SLC9A3: variants seen among roughly 807,000 people sequenced by gnomAD.
SLC9A3 encodes the protein solute carrier family 9 member A3.
SLC9A3 carries 37 observed loss-of-function variants against 86.8 expected under a neutral mutation model. The observed-to-expected ratio is 0.43, with a 90% CI of 0.33 to 0.56. The LOEUF is 0.56. Ranked by LOEUF, SLC9A3 falls within the 20% of genes least tolerant of loss-of-function variation. The pLI, the probability that SLC9A3 is intolerant of heterozygous loss-of-function variation, is 0.06. For missense variants in SLC9A3, 1,011 were observed against 1,171.9 expected, an observed-to-expected ratio of 0.86 and a Z score of 2.00; for synonymous variants, 581 against 528.3, an observed-to-expected ratio of 1.10 and a Z score of -1.37.
chr5:480,448 G>A (rs1739093574), intron 9 of SLC9A3: 1 of 157,798 alleles, frequency 6.3e-6, no homozygotes, highest in Non-Finnish European at 1.4e-5. Context: ...GGGGCACAAG[G>A]AGGTGATGCC....
In SLC9A3 at chr5:515,203, C is replaced by G. The variant is rs143319566; in HGVS notation, c.211+8909G>C. ...TGCCATCAGCCTGGAGTCTCTGTCACAGCCCTAACCACCCCCAGCACAGCA... is the reference window on the plus strand; with the variant it reads ...TGCCATCAGCCTGGAGTCTCTGTCAGAGCCCTAACCACCCCCAGCACAGCA... On this transcript the variant is annotated intron_variant, in intron 1 of 16. Coordinates refer to ENST00000264938, the MANE Select transcript of SLC9A3 (RefSeq NM_004174.4). Among the ~76,000 whole-genome samples, 595 of 152,222 alleles carry G rather than the reference C, an allele frequency of 3.9e-3. 4 individuals carry two copies. The highest frequency in any genetic ancestry group is 0.012 in the East Asian group (61 of 5,172).
intron 1 of SLC9A3, among the ~76,000 whole-genome samples, chr5:498,826 G>A (rs1740142694): frequency 6.6e-6 from 1 of 152,230 alleles, no homozygotes. Flanking sequence ...GTGTCTCCCT[G>A]CTGAGCTGGC....
intron 11 of SLC9A3, 38 bp from the exon 12 acceptor site, chr5:476,710 C>T: frequency 1.3e-6 from 2 of 1,595,418 alleles, no homozygotes; most frequent in South Asian, 1.1e-5. Context: ...CAGGCTCCCT[C>T]AGGGTGGGGT....
chr5:480,086 T>A, intron 9 of SLC9A3, 121 bp from the exon 10 acceptor site: 1 of 1,122,038 alleles, frequency 8.9e-7, no homozygotes, highest in Non-Finnish European at 1.3e-6. Context: ...TAGGCGCGTT[T>A]AAAATGAGGG....
intron 2 of SLC9A3, among the ~76,000 whole-genome samples, chr5:490,310 G>A (rs761567101): frequency 2.4e-5 from 2 of 84,100 alleles, no homozygotes; most frequent in Non-Finnish European, 5.2e-5. Flanking sequence ...GTCCAGCGTG[G>A]CGAGGGGCAG....
intron 1 of SLC9A3, among the ~76,000 whole-genome samples, chr5:518,689 C>T (rs913480203): frequency 2.6e-5 from 4 of 152,190 alleles, no homozygotes; most frequent in African/African-American, 4.8e-5. Flanking sequence ...GGGGTGGCCA[C>T]GCTGGGAGAG....
Position 524,092 on chromosome 5 carries a change from G to C in SLC9A3, c.211+20C>G. 6.8e-7 allele frequency: 1 copy of C among 1,463,014 alleles called. No individual in the cohort carries two copies. The allele number at this position is 1,463,014 out of a possible 1,614,324, so 90.6% of individuals were successfully genotyped here. A position where few individuals can be genotyped will look rare whatever the true frequency, so the allele number is the denominator to read the frequency against. On this transcript the variant is annotated intron_variant, in intron 1 of 16. Coordinates refer to ENST00000264938, the MANE Select transcript of SLC9A3 (RefSeq NM_004174.4). ...GCCGCACACCCCGCGGGCAGATCCG[G>C]AGACCCCGGGGCCACTTACCGATCT...
chr5:492,673 T>C (rs947009390), intron 1 of SLC9A3, among the ~76,000 whole-genome samples: 5 of 151,868 alleles, frequency 3.3e-5, no homozygotes, highest in African/African-American at 1.2e-4. Context: ...GGGGGGCCTC[T>C]GACCTGCCGC....
chr5:504,220 G>C (rs1740438197), intron 1 of SLC9A3, among the ~76,000 whole-genome samples: 1 of 126,404 alleles, frequency 7.9e-6, no homozygotes, highest in African/African-American at 3.1e-5. Flanking sequence ...CATCGCTGTG[G>C]GGCTGCCGCC....
intron 1 of SLC9A3, among the ~76,000 whole-genome samples, chr5:513,556 C>T (rs544629597): frequency 2.0e-5 from 3 of 152,168 alleles, no homozygotes; most frequent in African/African-American, 4.8e-5. Flanking sequence ...GGGCAGAGAA[C>T]GCGTCAGCCC....
chr5:491,814 T>C lies in SLC9A3; in HGVS notation c.469A>G (p.Thr157Ala). ...AVVGTVWNAA[T>A]TGLSLYGVFL... ...ACGCCGTAGAGGGACAGCCCGGTGG[T>C]GGCCGCGTTCCACACGGTACCCACG... Residue 157 changes from threonine (T) to alanine (A), a missense_variant, in exon 2 of 17, where the codon ACC becomes GCC. This residue lies in a region of SLC9A3 where 565 missense variants were observed against 790.0 expected (regional missense o/e 0.72). Coordinates refer to ENST00000264938, the MANE Select transcript of SLC9A3 (RefSeq NM_004174.4). The surrounding 1 kb of genome is among the most constrained non-coding windows in gnomAD (Gnocchi z 9.2). 1 of 1,587,852 alleles carries C rather than the reference T, an allele frequency of 6.3e-7. No individual in the cohort carries two copies.
rs763807389 is a variant in SLC9A3, at chr5:482,067, C to A, written c.1446+1G>T. ...CCCCCGCCCCCCAGCCCCGCACTTA[C>A]GCGCCCGTGCAGCTTCTCGTTGAGC... On this transcript the variant is annotated splice_donor_variant, in intron 8 of 16. Transcript: ENST00000264938. LOFTEE classifies it high-confidence loss of function. The A allele has an allele frequency of 2.8e-6, 4 of 1,445,048 alleles. No homozygotes were observed. Among genetic ancestry groups the A allele is most frequent in the South Asian group, 1.2e-5 (1 of 85,106 alleles). The allele number at this position is 1,445,048 out of a possible 1,614,324, so 89.5% of individuals were successfully genotyped here. A position where few individuals can be genotyped will look rare whatever the true frequency, so the allele number is the denominator to read the frequency against.
chr5:499,692 G>A (rs984427321), intron 1 of SLC9A3, among the ~76,000 whole-genome samples: 1 of 152,216 alleles, frequency 6.6e-6, no homozygotes, highest in African/African-American at 2.4e-5. Context: ...AGTCACTCCT[G>A]CTCCCTGGGG....
At chr5:506,480 T>C (rs1353553335) in intron 1 of SLC9A3, among the ~76,000 whole-genome samples, 2 of 152,158 alleles carry the variant, frequency 1.3e-5, no homozygotes, top group Non-Finnish European at 2.9e-5. Context: ...TGCTGCTCCC[T>C]GTCCTGTGGG....
rs529652605 is a variant in SLC9A3 at position 472,137 on chromosome 5, G to A, written c.*1242C>T. The A allele has an allele frequency of 1.1e-4, 41 of 389,338 alleles. No homozygotes were observed. The highest frequency in any genetic ancestry group is 6.7e-4 in the South Asian group (35 of 52,522). 24.1% of individuals were successfully genotyped at this position (389,338 alleles called of 1,614,324 possible). On this transcript the variant is annotated 3_prime_UTR_variant, in exon 17 of 17. Coordinates refer to ENST00000264938, the MANE Select transcript of SLC9A3 (RefSeq NM_004174.4). ...TGGATGGACTCCGAGCACCCTCCCC[G>A]GCTCAGCACCCGCGGCCTCCGCCCA... is the stretch of plus-strand genomic sequence containing the variant.
intron 1 of SLC9A3, among the ~76,000 whole-genome samples, chr5:512,713 T>C (rs6555324): frequency 3.9e-5 from 6 of 152,050 alleles, no homozygotes; most frequent in African/African-American, 1.4e-4. Context: ...CCGAAGCTGT[T>C]GGGGGGGCAC....
chr5:483,256 C>T lies in SLC9A3; in HGVS notation c.1153+6G>A. 1.3e-6 allele frequency: 2 copies of T among 1,537,638 alleles called. No homozygotes were observed. Among genetic ancestry groups the T allele is most frequent in the South Asian group, 1.2e-5 (1 of 83,880 alleles). Reference sequence around the variant, plus strand: ...GTCCCACGGCCGCAACCCGGCCCCGCCTCACCGATGGCCCGGTACACGGAG... The same window carrying T: ...GTCCCACGGCCGCAACCCGGCCCCGTCTCACCGATGGCCCGGTACACGGAG... On this transcript the variant is annotated splice_donor_region_variant and intron_variant, in intron 6 of 16. Transcript: ENST00000264938.
intron 3 of SLC9A3, 146 bp downstream of exon 3, chr5:488,170 A>C: frequency 3.8e-6 from 3 of 798,538 alleles, no homozygotes; most frequent in East Asian, 2.6e-5. Flanking sequence ...GCTGGGAGGA[A>C]GGAGGTGGAG....
chr5:491,927 A>G lies in SLC9A3; in HGVS notation c.356T>C (p.Leu119Pro). ...TLTPTVFFFY[L>P]LPPIVLDAGY... ...GGCGTCCAGCACGATGGGGGGCAGCAGGTAGAAGAAGAAGACGGTGGGCGT... is the reference window on the plus strand; with the variant it reads ...GGCGTCCAGCACGATGGGGGGCAGCGGGTAGAAGAAGAAGACGGTGGGCGT... The change falls in exon 2 of 17, where the codon CTG becomes CCG. Residue 119 changes from leucine (L) to proline (P), a missense_variant. This residue lies in a region of SLC9A3 where 565 missense variants were observed against 790.0 expected (regional missense o/e 0.72). Coordinates refer to ENST00000264938, the MANE Select transcript of SLC9A3 (RefSeq NM_004174.4). The surrounding 1 kb of genome is among the most constrained non-coding windows in gnomAD (Gnocchi z 9.2). The G allele has an allele frequency of 6.2e-7, 1 of 1,611,602 alleles. No individual in the cohort carries two copies. Among genetic ancestry groups the G allele is most frequent in the Non-Finnish European group, 8.5e-7 (1 of 1,179,466 alleles).
Sources: allele counts gnomAD v4.1 joint callset (sites outside exome capture counted in the v4.1 genomes callset), GRCh38; gene constraint gnomAD v4.1.1; regional missense constraint gnomAD v4.1.1; non-coding constraint Gnocchi (gnomAD v3.1); transcripts MANE v1.5; gene names NCBI Gene and HGNC (gene_info 2026-07-23, HGNC 2026-07-21).